The following RAPGEF2 variants were observed in gnomAD, a reference collection of about 807,000 sequenced individuals.
RAPGEF2 encodes Rap guanine nucleotide exchange factor 2, also known as PDZ domain containing guanine nucleotide exchange factor (GEF) 1.
Under a neutral mutation model 186.7 loss-of-function variants are expected in RAPGEF2, and 54 were observed. The observed-to-expected ratio is 0.29, with a 90% CI of 0.23 to 0.36. The LOEUF is 0.36. RAPGEF2 is among the 10% of genes least tolerant of loss of function. The probability of loss-of-function intolerance (pLI) is 1.00; values close to 1 mark genes in which losing one functional copy is unlikely to be tolerated. For missense variants in RAPGEF2, 1,532 were observed against 2,045.0 expected (o/e 0.75, Z 4.84); for synonymous variants, 712 against 705.9 (o/e 1.01, Z -0.14).
intron 7 of RAPGEF2, among the ~76,000 whole-genome samples, chr4:159,273,630 CTT>C (rs1491419475): frequency 9.2e-5 from 1 of 10,894 alleles, no homozygotes; most frequent in African/African-American, 3.3e-4. Context: ...TAATCAGTTT[CTT>C]TCTTTCTTTC....
At chr4:159,331,366 G>A (rs935840487) in intron 13 of RAPGEF2, 65 bp from the exon 14 acceptor site, 3 of 913,536 alleles carry the variant, frequency 3.3e-6, no homozygotes. Flanking sequence ...TATCTTTTCT[G>A]GAATGATTTT....
Position 159,120,709 on chromosome 4 carries a change from T to A in RAPGEF2, c.69+16478T>A, listed in dbSNP as rs1359664349. Among the ~76,000 whole-genome samples the A allele has an allele frequency of 3.9e-5, 6 of 152,222 alleles. 1 individual carries two copies. The highest frequency in any genetic ancestry group is 3.9e-4 in the Admixed American group (6 of 15,282). On this transcript the variant is annotated intron_variant, in intron 1 of 29. Coordinates refer to ENST00000691494, the MANE Select transcript of RAPGEF2 (RefSeq NM_001394067.2). ...CATAAATTATTTCTTTTGGTGGGAC[T>A]ACAACATATGCCTGAATTTGCAGTC...
intron 7 of RAPGEF2, among the ~76,000 whole-genome samples, chr4:159,289,244 T>C (rs758152456): frequency 2.0e-5 from 3 of 152,168 alleles, no homozygotes; most frequent in African/African-American, 7.2e-5. Flanking sequence ...GATAATTAAG[T>C]AGATGAATGA....
chr4:159,214,004 C>A (rs1750768983), intron 4 of RAPGEF2, among the ~76,000 whole-genome samples: 1 of 152,236 alleles, frequency 6.6e-6, no homozygotes, highest in South Asian at 2.1e-4. Context: ...ATTTGATTTA[C>A]AGTTTGTATT....
chr4:159,252,120 A>G (rs1755517525), intron 7 of RAPGEF2, among the ~76,000 whole-genome samples: 1 of 152,050 alleles, frequency 6.6e-6, no homozygotes, highest in African/African-American at 2.4e-5. Flanking sequence ...CAGACCAAGA[A>G]CCCACCAATT....
intron 17 of RAPGEF2, among the ~76,000 whole-genome samples, chr4:159,337,580 C>T (rs1767602431): frequency 1.3e-5 from 2 of 151,774 alleles, no homozygotes; most frequent in African/African-American, 4.8e-5. Flanking sequence ...TTTTTTATGG[C>T]TTATCTACTT....
chr4:159,161,013 T>C (rs943661007), intron 1 of RAPGEF2, among the ~76,000 whole-genome samples: 3 of 152,132 alleles, frequency 2.0e-5, no homozygotes, highest in African/African-American at 7.2e-5. Context: ...TTTGAATTCA[T>C]AGCTTAAAAA....
At chr4:159,197,680 C>T (rs1579436842) in intron 3 of RAPGEF2, among the ~76,000 whole-genome samples, 1 of 152,196 alleles carries the variant, frequency 6.6e-6, no homozygotes. Context: ...CAGCTGAGCT[C>T]TTGTTGCTTT....
In RAPGEF2 at chr4:159,322,438, A is replaced by G; in HGVS notation, c.945A>G (p.Ala315=). 6.2e-7 allele frequency: 1 copy of G among 1,614,020 alleles called. No homozygotes were observed. ...RRELCAVMVF[A]VVERAGTIVL... ...AACTCTGTGCTGTGATGGTGTTCGC[A>G]GTGGTGGAAAGAGCAGGGACCATAG... Residue 315 remains alanine, a synonymous_variant, in exon 10 of 30, where the codon GCA becomes GCG. Coordinates refer to ENST00000691494, the MANE Select transcript of RAPGEF2 (RefSeq NM_001394067.2).
At chr4:159,277,452 T>G (rs1759064519) in intron 7 of RAPGEF2, among the ~76,000 whole-genome samples, 2 of 152,226 alleles carry the variant, frequency 1.3e-5, no homozygotes, top group Admixed American at 6.5e-5. Flanking sequence ...GTAATGGGAT[T>G]GCTGGCTCAA....
At chr4:159,269,512 C>T (rs574978798) in intron 7 of RAPGEF2, among the ~76,000 whole-genome samples, 73 of 152,250 alleles carry the variant, frequency 4.8e-4, no homozygotes, top group African/African-American at 1.4e-3. Flanking sequence ...ATTTTCTTAA[C>T]GGGGCCTTTG....
At chr4:159,111,528 C>T (rs541565831) in intron 1 of RAPGEF2, among the ~76,000 whole-genome samples, 24 of 152,214 alleles carry the variant, frequency 1.6e-4, no homozygotes, top group African/African-American at 5.1e-4. Context: ...TGTTTTCACC[C>T]AACATAAAAA....
chr4:159,283,759 A>G (rs978192164), intron 7 of RAPGEF2, among the ~76,000 whole-genome samples: 1 of 152,222 alleles, frequency 6.6e-6, no homozygotes, highest in Admixed American at 6.5e-5. Flanking sequence ...TAAAGCCAGG[A>G]CATTTTTTTA....
intron 1 of RAPGEF2, among the ~76,000 whole-genome samples, chr4:159,170,792 A>C (rs1431525014): frequency 1.3e-5 from 2 of 152,166 alleles, no homozygotes; most frequent in African/African-American, 4.8e-5. Context: ...TACCAATGTC[A>C]TGGAACTTTT....
intron 6 of RAPGEF2, among the ~76,000 whole-genome samples, chr4:159,241,886 A>G (rs1179082245): frequency 2.6e-5 from 4 of 152,124 alleles, no homozygotes; most frequent in Non-Finnish European, 5.9e-5. Context: ...TTATACCTTT[A>G]TGAGAATATC....
intron 29 of RAPGEF2, among the ~76,000 whole-genome samples, chr4:159,357,060 TAAAG>T (rs1580087481): frequency 6.6e-6 from 1 of 151,842 alleles, no homozygotes; most frequent in African/African-American, 2.4e-5. Context: ...GAAAGTCTGA[TAAAG>T]AAAGATACAT....
Position 159,353,960 on chromosome 4 carries a change from T to C in RAPGEF2, c.4565T>C (p.Leu1522Pro). 1.2e-6 allele frequency: 2 copies of C among 1,613,912 alleles called. No homozygotes were observed. Among genetic ancestry groups the C allele is most frequent in the Middle Eastern group, 1.7e-4 (1 of 6,060 alleles). The change falls in exon 28 of 30, where the codon CTA becomes CCA. Residue 1522 changes from leucine (L) to proline (P), a missense_variant. By Grantham distance (98) the Leu-to-Pro change is moderately conservative. This residue lies in a region of RAPGEF2 where 594 missense variants were observed against 608.5 expected (regional missense o/e 0.98). Transcript: ENST00000691494. The surrounding 1 kb of genome is among the most constrained non-coding windows in gnomAD (Gnocchi z 4.3). ...DVSIEAESSS[L>P]TSVTTEETKP... The stretch of plus-strand genomic sequence containing the variant: ...TCCATTGAAGCCGAAAGCAGTAGCC[T>C]AACGTCTGTGACTACGGAAGAAACC...
At chr4:159,201,339 A>C (rs1036361382) in intron 3 of RAPGEF2, among the ~76,000 whole-genome samples, 1 of 152,206 alleles carries the variant, frequency 6.6e-6, no homozygotes, top group Non-Finnish European at 1.5e-5. Context: ...CCATTGTTAG[A>C]ACTTATTTTT....
At chr4:159,171,735 C>CT (rs536899715) in intron 1 of RAPGEF2, among the ~76,000 whole-genome samples, 101 of 151,690 alleles carry the variant, frequency 6.7e-4, no homozygotes, top group African/African-American at 2.2e-3. Flanking sequence ...ACCTAGAATA[C>CT]TTTTTTCTGG....
Sources: allele counts gnomAD v4.1 joint callset (sites outside exome capture counted in the v4.1 genomes callset), GRCh38; gene constraint gnomAD v4.1.1; regional missense constraint gnomAD v4.1.1; non-coding constraint Gnocchi (gnomAD v3.1); transcripts MANE v1.5; gene names NCBI Gene and HGNC (gene_info 2026-07-23, HGNC 2026-07-21).